Variants in PPIP5K2 observed in about 807,000 individuals in gnomAD.
PPIP5K2 encodes the protein inositol hexakisphosphate and diphosphoinositol-pentakisphosphate kinase 2.
In PPIP5K2, 105 loss-of-function variants were observed where a neutral mutation model predicts 154.6. That is an observed-to-expected ratio of 0.68 (90% confidence interval 0.58 to 0.80). The LOEUF (loss-of-function observed/expected upper bound fraction) is 0.80. Among genes scored for constraint, PPIP5K2 ranks in the 30% least tolerant of loss-of-function variants. The pLI, the probability that PPIP5K2 is intolerant of heterozygous loss-of-function variation, is 0.00. For synonymous variants in PPIP5K2, 480 were observed against 490.3 expected, an observed-to-expected ratio of 0.98 and a Z score of 0.28; for missense variants, 992 against 1,504.6, an observed-to-expected ratio of 0.66 and a Z score of 5.64.
At chr5:103,164,405 T>G (rs2149652807) in intron 17 of PPIP5K2, among the ~76,000 whole-genome samples, 1 of 152,158 alleles carries the variant, frequency 6.6e-6, no homozygotes, top group African/African-American at 2.4e-5. Context: ...CTAGTTTTAT[T>G]TTGCTATTTT....
chr5:103,155,898 T>A lies in PPIP5K2; in HGVS notation c.1404-11T>A. 6.5e-7 allele frequency: 1 copy of A among 1,546,782 alleles called. No homozygotes were observed. The highest frequency in any genetic ancestry group is 8.9e-7 in the Non-Finnish European group (1 of 1,119,506). On this transcript the variant is annotated splice_polypyrimidine_tract_variant and intron_variant, in intron 13 of 30. Transcript: ENST00000358359. ...TACATGTTCTATTCTGTTTATCATT[T>A]TATTTTTCAGGTATGGTCATTTTTC...
At chr5:103,142,601 A>G (rs985418182) in intron 5 of PPIP5K2, among the ~76,000 whole-genome samples, 2 of 152,060 alleles carry the variant, frequency 1.3e-5, no homozygotes, top group Non-Finnish European at 2.9e-5. Flanking sequence ...GTCACCTCTC[A>G]GTCTCTACTA....
At chr5:103,161,404 G>T (rs1796216651) in intron 17 of PPIP5K2, among the ~76,000 whole-genome samples, 1 of 152,036 alleles carries the variant, frequency 6.6e-6, no homozygotes, top group Admixed American at 6.6e-5. Flanking sequence ...ATTGTGAATG[G>T]TGCCACAATA....
At position 103,183,169 on chromosome 5, in the gene PPIP5K2, T is replaced by C. The variant is rs533686649; in HGVS notation, c.2923-65T>C. ...TGGCTCTGTTGTATCTAACTTTGCA[T>C]GCTCTGCTTTTTTTTTTTTTTTTTT... On this transcript the variant is annotated intron_variant, in intron 24 of 30. Transcript: ENST00000358359. 48 of 1,209,922 alleles carry C rather than the reference T, an allele frequency of 4.0e-5. No individual in the cohort carries two copies. In the East Asian group the frequency reaches 1.5e-3, roughly 38 times the overall value. 74.9% of individuals were successfully genotyped at this position (1,209,922 alleles called of 1,614,324 possible). A position where few individuals can be genotyped will look rare whatever the true frequency, so the allele number is the denominator to read the frequency against.
chr5:103,166,565 A>G (rs2149666697), intron 17 of PPIP5K2, among the ~76,000 whole-genome samples: 1 of 152,160 alleles, frequency 6.6e-6, no homozygotes, highest in South Asian at 2.1e-4. Context: ...AATGGCTGGT[A>G]TCATCGCTTA....
At chr5:103,185,735 G>A (rs1204594254) in intron 26 of PPIP5K2, among the ~76,000 whole-genome samples, 1 of 152,016 alleles carries the variant, frequency 6.6e-6, no homozygotes, top group African/African-American at 2.4e-5. Context: ...TAAGTCACTT[G>A]TTAAGTATTT....
intron 19 of PPIP5K2, among the ~76,000 whole-genome samples, chr5:103,171,390 G>C (rs1201255102): frequency 1.3e-5 from 2 of 151,500 alleles, no homozygotes; most frequent in East Asian, 3.9e-4. Flanking sequence ...ATGAAATGCA[G>C]ACAGTTCTTT....
intron 16 of PPIP5K2, 38 bp from the exon 17 acceptor site, chr5:103,159,108 T>C: frequency 1.5e-6 from 2 of 1,374,904 alleles, no homozygotes; most frequent in African/African-American, 2.9e-5. Flanking sequence ...TACGTATTAA[T>C]TTTTTAAATT....
intron 30 of PPIP5K2, among the ~76,000 whole-genome samples, chr5:103,198,503 G>A (rs1305915599): frequency 2.6e-5 from 4 of 152,100 alleles, no homozygotes; most frequent in South Asian, 2.1e-4. Flanking sequence ...TACAGAGAGC[G>A]ATTACACTCA....
intron 3 of PPIP5K2, among the ~76,000 whole-genome samples, chr5:103,133,941 G>C (rs966115864): frequency 6.6e-6 from 1 of 151,832 alleles, no homozygotes; most frequent in Non-Finnish European, 1.5e-5. Context: ...TTTAATGGTG[G>C]CATAGTATAT....
intron 13 of PPIP5K2, among the ~76,000 whole-genome samples, chr5:103,155,371 T>C (rs1795239657): frequency 6.7e-6 from 1 of 149,038 alleles, no homozygotes; most frequent in South Asian, 2.1e-4. Context: ...ATCTGTGTTT[T>C]TACATATTTC....
chr5:103,151,598 T>C (rs556735891), intron 9 of PPIP5K2, among the ~76,000 whole-genome samples: 1 of 152,210 alleles, frequency 6.6e-6, no homozygotes, highest in South Asian at 2.1e-4. Flanking sequence ...ACTTCATATG[T>C]TTACAAATAC....
intron 17 of PPIP5K2, 25 bp downstream of exon 17, chr5:103,159,353 T>C: frequency 6.5e-7 from 1 of 1,545,038 alleles, no homozygotes; most frequent in Non-Finnish European, 8.8e-7. Flanking sequence ...ACTCTTATAT[T>C]GTGAAATATT....
rs782750364 is a variant in PPIP5K2 at position 103,153,848 on chromosome 5, G to T, written c.1131G>T (p.Met377Ile). 1 of 1,588,250 alleles carries T rather than the reference G, an allele frequency of 6.3e-7. No individual in the cohort carries two copies. The highest frequency in any genetic ancestry group is 8.6e-7 in the Non-Finnish European group (1 of 1,168,214). Residue 377 changes from methionine (M) to isoleucine (I), a missense_variant and splice_region_variant, in exon 11 of 31, where the codon ATG becomes ATT. Met to Ile is a conservative substitution (Grantham distance 10). Coordinates refer to ENST00000358359, the MANE Select transcript of PPIP5K2 (RefSeq NM_001276277.3). Reference sequence around the variant, plus strand: ...GAACATATATATTTTTTCATTTTAGGATGGAACTTAGATGTGTCATAGCTG... The same window carrying T: ...GAACATATATATTTTTTCATTTTAGTATGGAACTTAGATGTGTCATAGCTG... The part of the protein sequence containing the change: ...IPIVPTTSGT[M>I]MELRCVIAVI...
At chr5:103,173,305 T>G (rs377756827) in intron 20 of PPIP5K2, 23 bp downstream of exon 20, 1 of 1,592,884 alleles carries the variant, frequency 6.3e-7, no homozygotes, top group Non-Finnish European at 8.5e-7. Context: ...ACTGGTTATT[T>G]AAATCTCTAG....
At chr5:103,128,319 C>A (rs1213626066) in intron 1 of PPIP5K2, among the ~76,000 whole-genome samples, 1 of 151,960 alleles carries the variant, frequency 6.6e-6, no homozygotes, top group African/African-American at 2.4e-5. Context: ...TTTAATATGA[C>A]CAGGAAGCAA....
chr5:103,189,283 T>G, intron 28 of PPIP5K2: 1 of 1,331,638 alleles, frequency 7.5e-7, no homozygotes, highest in Non-Finnish European at 1.0e-6. Flanking sequence ...ATTGCTGCGC[T>G]AACCCTTTCA....
intron 8 of PPIP5K2, 59 bp from the exon 9 acceptor site, chr5:103,151,194 A>G: frequency 7.0e-7 from 1 of 1,437,026 alleles, no homozygotes. Context: ...TAGGACTAGA[A>G]AACTGTGAAT....
chr5:103,160,066 A>G (rs1795985428), intron 17 of PPIP5K2, among the ~76,000 whole-genome samples: 1 of 152,172 alleles, frequency 6.6e-6, no homozygotes. Context: ...AGTGTCTTCT[A>G]GGTTCATCCA....
Sources: gnomAD v4.1 joint callset for allele counts (sites outside exome capture counted in the v4.1 genomes callset) on GRCh38, gnomAD v4.1.1 for gene constraint, MANE v1.5 for transcripts, NCBI Gene and HGNC (gene_info 2026-07-23, HGNC 2026-07-21) for gene names.